SELENON: variants seen among roughly 807,000 people sequenced by gnomAD.
The protein encoded by SELENON is selenoprotein N, also known as selenoprotein N, 1.
Under a neutral mutation model 59.5 loss-of-function variants are expected in SELENON, and 44 were observed. The observed-to-expected ratio is 0.74, with a 90% confidence interval of 0.58 to 0.95. The LOEUF is 0.95. Among genes scored for constraint, SELENON ranks in the 40% least tolerant of loss-of-function variants. The pLI, the probability that SELENON is intolerant of heterozygous loss-of-function variation, is 0.00. For synonymous variants in SELENON, 320 were observed against 305.6 expected (o/e 1.05, Z -0.49); for missense variants, 674 against 721.4 (o/e 0.93, Z 0.75).
chr1:25,812,460 TATAC>T (rs2047970025), intron 9 of SELENON, among the ~76,000 whole-genome samples: 6 of 52,558 alleles, frequency 1.1e-4, no homozygotes, highest in Admixed American at 2.5e-4. Flanking sequence ...CTAACATATA[TATAC>T]ACACACACAT....
At chr1:25,812,603 A>T in intron 9 of SELENON, 84 bp from the exon 9 acceptor site, 2 of 868,704 alleles carry the variant, frequency 2.3e-6, no homozygotes, top group Non-Finnish European at 3.7e-6. Context: ...ACACACACAC[A>T]CACTTGCACA....
chr1:25,801,941 GA>G, intron 2 of SELENON: 1 of 217,522 alleles, frequency 4.6e-6, no homozygotes, highest in Non-Finnish European at 9.7e-6. Flanking sequence ...GTAGAGAAAA[GA>G]AATGCACAGT....
At chr1:25,811,640 G>A in intron 8 of SELENON, 51 bp from the exon 8 acceptor site, 1 of 1,607,822 alleles carries the variant, frequency 6.2e-7, no homozygotes, top group Non-Finnish European at 8.5e-7. Context: ...GAGCCCCTGA[G>A]GATTCTTGCC....
rs1442343296 is a variant in SELENON at position 25,801,129 on chromosome 1, G to A, written c.270G>A (p.Glu90=). Residue 90 remains glutamate (E), a synonymous_variant, in exon 2 of 13, where the codon GAG becomes GAA. Coordinates refer to ENST00000361547, the MANE Select transcript of SELENON (RefSeq NM_020451.3). ...ACGGGGATATGTACATCAGCCCTGA[G>A]GAGTTCAAACCCATTGCTGAGAAGC... 6.2e-7 allele frequency: 1 copy of A among 1,614,158 alleles called. No individual in the cohort carries two copies. Among genetic ancestry groups the A allele is most frequent in the East Asian group, 2.2e-5 (1 of 44,880 alleles).
intron 2 of SELENON, among the ~76,000 whole-genome samples, chr1:25,801,480 G>T (rs1052243541): frequency 2.6e-5 from 4 of 152,242 alleles, no homozygotes; most frequent in South Asian, 2.1e-4. Context: ...GGTCAACATG[G>T]CAAAACCCCA....
chr1:25,808,665 C>T lies in SELENON; in HGVS notation c.623C>T (p.Pro208Leu), dbSNP rs747286412. The stretch of plus-strand genomic sequence containing the variant: ...GTGTTTGCCACCCGCCACTTCCAGC[C>T]CTTCCTTCCCCCGCCAGGCCAGGAG... Residue 208 changes from proline (P) to leucine (L), a missense_variant, in exon 5 of 13, where the codon CCC becomes CTC. Coordinates refer to ENST00000361547, the MANE Select transcript of SELENON (RefSeq NM_020451.3). 5 of 1,614,002 alleles carry T rather than the reference C, an allele frequency of 3.1e-6. No individual in the cohort carries two copies. The highest frequency in any genetic ancestry group is 4.2e-6 in the Non-Finnish European group (5 of 1,180,008).
At position 25,805,027 on chromosome 1, in the gene SELENON, C is replaced by T. The variant is rs115441796; in HGVS notation, c.404-115C>T. On this transcript the variant is annotated intron_variant, in intron 3 of 12. Transcript: ENST00000361547. The stretch of plus-strand genomic sequence containing the variant: ...TGTTACTTTGGTGACTGTTAACACC[C>T]CAGCTACCCCCACCCCCTGCCTGGC... 2,779 of 1,394,962 alleles carry T rather than the reference C, an allele frequency of 2.0e-3. 53 individuals carry two copies. The African/African-American group carries it at 0.035, about 17-fold the overall frequency. The allele number at this position is 1,394,962 out of a possible 1,614,324, so 86.4% of individuals were successfully genotyped here. A position where few individuals can be genotyped will look rare whatever the true frequency, so the allele number is the denominator to read the frequency against.
chr1:25,811,923 C>T lies in SELENON; in HGVS notation c.1281+44C>T, dbSNP rs1420346979. On this transcript the variant is annotated intron_variant, in intron 9 of 12. Transcript: ENST00000361547. ...GAAGGCCAGGGTCAGGCTGCATGGG[C>T]AGAGGCTGGGAGCTGTGGAGCAGCA... 7 of 1,537,376 alleles carry T rather than the reference C, an allele frequency of 4.6e-6. No homozygotes were observed. The South Asian group carries it at 7.2e-5, about 16-fold the overall frequency.
intron 3 of SELENON, among the ~76,000 whole-genome samples, chr1:25,802,916 C>G (rs1412082009): frequency 6.6e-6 from 1 of 152,200 alleles, no homozygotes; most frequent in Non-Finnish European, 1.5e-5. Flanking sequence ...GAGAGACATG[C>G]TGGCTGTTTC....
chr1:25,811,936 C>A, intron 9 of SELENON, 57 bp downstream of exon 8: 1 of 1,518,076 alleles, frequency 6.6e-7, no homozygotes, highest in Non-Finnish European at 8.9e-7. Context: ...AGGCTGGGAG[C>A]TGTGGAGCAG....
intron 9 of SELENON, 100 bp from the exon 9 acceptor site, chr1:25,812,587 A>G (rs960139007): frequency 2.0e-5 from 15 of 767,740 alleles, no homozygotes; most frequent in African/African-American, 7.1e-5. Flanking sequence ...ACACACACAC[A>G]CACACACACA....
At position 25,808,552 on chromosome 1, in the gene SELENON, C is replaced by T. The variant is rs1186686821; in HGVS notation, c.538-28C>T. 5.0e-6 allele frequency: 8 copies of T among 1,611,916 alleles called. No individual in the cohort carries two copies. The East Asian group carries it at 1.8e-4, about 36-fold the overall frequency. On this transcript the variant is annotated intron_variant, in intron 4 of 12. Transcript: ENST00000361547. ...GACCCCGGAGTCAGGTTCTCAGATT[C>T]CTGGAGCTTTGCTTTCCCCCGCCCC...
intron 4 of SELENON, among the ~76,000 whole-genome samples, chr1:25,806,128 G>C (rs771189878): frequency 1.3e-5 from 2 of 152,314 alleles, no homozygotes; most frequent in East Asian, 3.9e-4. Flanking sequence ...ACTTCAGCAC[G>C]AACAGAGGCC....
At position 25,807,810 on chromosome 1, in the gene SELENON, G is replaced by A. The variant is rs1044686613; in HGVS notation, c.538-770G>A. On this transcript the variant is annotated intron_variant, in intron 4 of 12. Transcript: ENST00000361547. The surrounding 1 kb of genome is among the most constrained non-coding windows in gnomAD (Gnocchi z 4.5). ...ATCTGCTGTTCCCCAAATGCTGGCC[G>A]ACGTGTAGACAGCTCTGTGGTCTCT... Among the ~76,000 whole-genome samples the A allele has an allele frequency of 9.8e-5, 15 of 152,348 alleles. No individual in the cohort carries two copies. The highest frequency in any genetic ancestry group is 3.9e-4 in the East Asian group (2 of 5,170).
intron 5 of SELENON, 66 bp downstream of exon 4, chr1:25,808,855 C>T: frequency 1.3e-6 from 2 of 1,593,950 alleles, no homozygotes; most frequent in Non-Finnish European, 1.7e-6. Context: ...ACCCCTCTGT[C>T]TGCGCCTGGA....
chr1:25,804,531 A>C (rs990964245), intron 3 of SELENON, among the ~76,000 whole-genome samples: 5 of 150,662 alleles, frequency 3.3e-5, no homozygotes, highest in Non-Finnish European at 5.9e-5. Flanking sequence ...GAATCCTTCT[A>C]TACTGGGAAG....
At position 25,815,546 on chromosome 1, in the gene SELENON, A is replaced by C. The variant is rs1416692814; in HGVS notation, c.1603-2A>C. The C allele has an allele frequency of 6.2e-7, 1 of 1,613,870 alleles. No homozygotes were observed. The highest frequency in any genetic ancestry group is 8.5e-7 in the Non-Finnish European group (1 of 1,179,942). ...ACTTGCCTCACCCGGCCCTTCTCCC[A>C]GGTCCATCACATCAATGCCAACTAC... On this transcript the variant is annotated splice_acceptor_variant, in intron 12 of 12. Transcript: ENST00000361547. LOFTEE classifies it high-confidence loss of function.
At chr1:25,808,859 G>T in intron 5 of SELENON, 70 bp downstream of exon 4, 2 of 1,589,520 alleles carry the variant, frequency 1.3e-6, no homozygotes, top group East Asian at 2.2e-5. Flanking sequence ...CTCTGTCTGC[G>T]CCTGGACCCC....
rs763149726 is a variant in SELENON at position 25,809,776 on chromosome 1, C to T, written c.966C>T (p.Asp322=). 17 of 1,613,964 alleles carry T rather than the reference C, an allele frequency of 1.1e-5. No individual in the cohort carries two copies. The highest frequency in any genetic ancestry group is 4.4e-5 in the South Asian group (4 of 91,082). ...CCGGCCACATCATCCTCTCCAAAGA[C>T]GCCACCCACGTCCGCGACTTCCGGC... The change falls in exon 7 of 13, where the codon GAC becomes GAT. Residue 322 remains aspartate, a synonymous_variant. Transcript: ENST00000361547.
Sources: gnomAD v4.1 joint callset for allele counts (sites outside exome capture counted in the v4.1 genomes callset) on GRCh38, gnomAD v4.1.1 for gene constraint, Gnocchi (gnomAD v3.1) non-coding constraint, MANE v1.5 for transcripts, NCBI Gene and HGNC (gene_info 2026-07-23, HGNC 2026-07-21) for gene names.